The following ZNF385D variants were observed in gnomAD, a reference collection of about 807,000 sequenced individuals.
ZNF385D encodes zinc finger protein 659.
In ZNF385D, 15 loss-of-function variants were observed where a neutral mutation model predicts 35.8. That is an observed-to-expected ratio of 0.42 (90% CI 0.28 to 0.64). The LOEUF (loss-of-function observed/expected upper bound fraction) is 0.64, where lower values mean the gene tolerates loss of function less well. Among genes scored for constraint, ZNF385D ranks in the 30% least tolerant of loss-of-function variants. The pLI, the probability that ZNF385D is intolerant of heterozygous loss-of-function variation, is 0.23. For synonymous variants in ZNF385D, 212 were observed against 186.8 expected (o/e 1.13, Z -1.10); for missense variants, 474 against 494.6 (o/e 0.96, Z 0.39).
chr3:22,128,827 T>A (rs888446678), intron 3 of ZNF385D, among the ~76,000 whole-genome samples: 1 of 152,198 alleles, frequency 6.6e-6, no homozygotes, highest in Non-Finnish European at 1.5e-5. Flanking sequence ...TCACTGAGCT[T>A]CCTCAAAACA....
At chr3:21,882,632 A>T (rs1352575374) in intron 3 of ZNF385D, among the ~76,000 whole-genome samples, 4 of 152,006 alleles carry the variant, frequency 2.6e-5, no homozygotes, top group African/African-American at 9.7e-5. Flanking sequence ...AGAACTTGTA[A>T]ATCAAAATTT....
chr3:21,601,521 C>T (rs17009121), intron 2 of ZNF385D, among the ~76,000 whole-genome samples: 5,070 of 152,236 alleles, frequency 0.033, 261 homozygotes, highest in African/African-American at 0.11. Flanking sequence ...ATATGGCCTC[C>T]TTTGCTAATA....
intron 2 of ZNF385D, among the ~76,000 whole-genome samples, chr3:22,179,601 T>C (rs1276701399): frequency 6.6e-6 from 1 of 152,232 alleles, no homozygotes; most frequent in East Asian, 1.9e-4. Flanking sequence ...CTGATTGCCC[T>C]GGCCAGAACT....
chr3:22,165,869 C>A (rs947752023), intron 3 of ZNF385D, among the ~76,000 whole-genome samples: 1 of 152,178 alleles, frequency 6.6e-6, no homozygotes, highest in South Asian at 2.1e-4. Flanking sequence ...ACAGAATTTT[C>A]TGACCTACTT....
chr3:22,201,543 G>A (rs898247569), intron 2 of ZNF385D, among the ~76,000 whole-genome samples: 1 of 151,970 alleles, frequency 6.6e-6, no homozygotes, highest in East Asian at 1.9e-4. Flanking sequence ...AAAGAAGTTA[G>A]GTTTTCTAAT....
chr3:21,920,856 C>T (rs1458341456), intron 3 of ZNF385D, among the ~76,000 whole-genome samples: 2 of 152,038 alleles, frequency 1.3e-5, no homozygotes, highest in East Asian at 1.9e-4. Context: ...TGATTAACTT[C>T]AATACATGCA....
chr3:22,006,813 G>A (rs938452560), intron 3 of ZNF385D, among the ~76,000 whole-genome samples: 4 of 151,586 alleles, frequency 2.6e-5, no homozygotes, highest in African/African-American at 9.7e-5. Flanking sequence ...AACTAAAAGG[G>A]AACACAGGGA....
intron 3 of ZNF385D, among the ~76,000 whole-genome samples, chr3:21,982,994 G>A (rs115574087): frequency 0.023 from 3,471 of 152,018 alleles, 73 homozygotes; most frequent in Non-Finnish European, 0.028. Flanking sequence ...TGGTTTGCGA[G>A]TATTTTGCTG....
intron 2 of ZNF385D, among the ~76,000 whole-genome samples, chr3:22,357,777 A>T (rs1696224884): frequency 6.6e-6 from 1 of 151,796 alleles, no homozygotes; most frequent in South Asian, 2.1e-4. Flanking sequence ...CCAACTTTTA[A>T]CATCTTCTGC....
At chr3:22,243,641 T>C (rs1223992336) in intron 2 of ZNF385D, among the ~76,000 whole-genome samples, 3 of 150,688 alleles carry the variant, frequency 2.0e-5, no homozygotes, top group Admixed American at 2.0e-4. Flanking sequence ...AAAATGAAAA[T>C]CAAAAGATGT....
chr3:21,437,295 A>G (rs1559446953), intron 4 of ZNF385D, 92 bp from the exon 5 acceptor site: 1 of 1,237,824 alleles, frequency 8.1e-7, no homozygotes, highest in East Asian at 2.4e-5. Flanking sequence ...CATTCTGCTT[A>G]TAATGATAAG....
At chr3:22,284,323 G>C (rs894198409) in intron 2 of ZNF385D, among the ~76,000 whole-genome samples, 2 of 151,930 alleles carry the variant, frequency 1.3e-5, no homozygotes, top group African/African-American at 2.4e-5. Context: ...CAAATAGCTG[G>C]GATTACAGGA....
At position 22,251,878 on chromosome 3, in the gene ZNF385D, G is replaced by C. The variant is rs1265582825; in HGVS notation, c.107-82843C>G. 2.0e-5 allele frequency among the ~76,000 whole-genome samples: 3 copies of C among 152,192 alleles called. No homozygotes were observed. In the East Asian group the frequency reaches 5.8e-4, roughly 29 times the overall value. On this transcript the variant is annotated intron_variant, in intron 2 of 5. Transcript: ENST00000494108. ...TGGGAAACTCACACAGCCTTTGAAA[G>C]TTCAATTCCCTCTTTTGTAAAATAA...
At chr3:22,238,785 T>TA (rs995358229) in intron 2 of ZNF385D, among the ~76,000 whole-genome samples, 4 of 151,074 alleles carry the variant, frequency 2.6e-5, no homozygotes, top group Non-Finnish European at 5.9e-5. Context: ...CAGACTGAGG[T>TA]ATAGTGTTGT....
At chr3:21,912,266 A>G (rs1699998113) in intron 3 of ZNF385D, among the ~76,000 whole-genome samples, 1 of 151,690 alleles carries the variant, frequency 6.6e-6, no homozygotes, top group Non-Finnish European at 1.5e-5. Context: ...ATTTAAGACA[A>G]TAATAACCCC....
At chr3:21,770,883 T>C (rs1279169803) in intron 3 of ZNF385D, among the ~76,000 whole-genome samples, 1 of 152,052 alleles carries the variant, frequency 6.6e-6, no homozygotes, top group East Asian at 1.9e-4. Flanking sequence ...ATGTGGCACA[T>C]ATACACCATG....
At chr3:22,365,820 A>C (rs1696632119) in intron 2 of ZNF385D, among the ~76,000 whole-genome samples, 1 of 152,248 alleles carries the variant, frequency 6.6e-6, no homozygotes, top group South Asian at 2.1e-4. Context: ...CCTCTGAAAG[A>C]GGTGAAAAGA....
At chr3:21,788,525 T>C (rs904574159) in intron 3 of ZNF385D, among the ~76,000 whole-genome samples, 1 of 152,212 alleles carries the variant, frequency 6.6e-6, no homozygotes, top group African/African-American at 2.4e-5. Context: ...ATCAGAAATT[T>C]TGTTCTCATT....
chr3:22,344,577 T>TC (rs1223630570), intron 2 of ZNF385D, among the ~76,000 whole-genome samples: 1 of 151,560 alleles, frequency 6.6e-6, no homozygotes, highest in African/African-American at 2.4e-5. Flanking sequence ...TTCTTTGTTT[T>TC]TTTGTTTTGT....
Sources: allele counts gnomAD v4.1 joint callset (sites outside exome capture counted in the v4.1 genomes callset), GRCh38; gene constraint gnomAD v4.1.1; transcripts MANE v1.5; gene names NCBI Gene and HGNC (gene_info 2026-07-23, HGNC 2026-07-21).